NES: variants seen among roughly 807,000 people sequenced by gnomAD.
The protein encoded by NES is nestin.
NES carries 27 observed loss-of-function variants against 35.6 expected under a neutral mutation model. The ratio of observed to expected loss-of-function variants is 0.76; its 90% confidence interval spans 0.56 to 1.04. The LOEUF (loss-of-function observed/expected upper bound fraction) is 1.04, where lower values mean the gene tolerates loss of function less well. Ranked by LOEUF, NES falls within the 50% of genes least tolerant of loss-of-function variation. The probability of loss-of-function intolerance (pLI) is 0.00; values close to 1 mark genes in which losing one functional copy is unlikely to be tolerated. For missense variants in NES, 1,867 were observed against 1,983.6 expected (o/e 0.94, Z 1.12); for synonymous variants, 822 against 824.2 (o/e 1.00, Z 0.04).
rs143673331 is a variant in NES at position 156,671,561 on chromosome 1, A to G, written c.2627T>C (p.Val876Ala). 91 of 1,613,828 alleles carry G rather than the reference A, an allele frequency of 5.6e-5. No homozygotes were observed. In the East Asian group the frequency reaches 1.9e-3, roughly 34 times the overall value. The part of the protein sequence containing the change: ...EIQEPLESVE[V>A]NQETFRLLEE... ...CAGGAGTCTGAATGTCTCTTGGTTC[A>G]CTTCCACAGACTCCAGTGGTTCTTG... The change falls in exon 4 of 4, where the codon GTG (valine) becomes GCG (alanine). Residue 876 changes from valine to alanine, a missense_variant. Transcript: ENST00000368223.
chr1:156,673,991 CCCT>C (rs1424647158), intron 2 of NES, among the ~76,000 whole-genome samples: 3 of 152,122 alleles, frequency 2.0e-5, no homozygotes, highest in Non-Finnish European at 2.9e-5. Flanking sequence ...GGGATGGGCT[CCCT>C]CCTCCTTCCC....
In NES at chr1:156,677,162, G is replaced by T; in HGVS notation, c.103C>A (p.Leu35Met). The T allele has an allele frequency of 1.2e-6, 2 of 1,612,026 alleles. No homozygotes were observed. Among genetic ancestry groups the T allele is most frequent in the Non-Finnish European group, 1.7e-6 (2 of 1,179,654 alleles). ...AGCCCCCCGAGCTCCGCGCTGAGCA[G>T]CTCATTCTGCTCCTCCAGCGCCTTG... ...RVKALEEQNE[L>M]LSAELGGLRA... The change falls in exon 1 of 4, where the codon CTG (leucine) becomes ATG (methionine). Residue 35 changes from leucine (L) to methionine (M), a missense_variant. Leu to Met is a conservative substitution (Grantham distance 15). Transcript: ENST00000368223. This position sits in a 1 kb window ranked among gnomAD's most constrained non-coding sequence, Gnocchi z 4.5.
At position 156,677,140 on chromosome 1, in the gene NES, C is replaced by G. The variant is rs1201006572; in HGVS notation, c.125G>C (p.Gly42Ala). 1 of 1,609,804 alleles carries G rather than the reference C, an allele frequency of 6.2e-7. No individual in the cohort carries two copies. Among genetic ancestry groups the G allele is most frequent in the Non-Finnish European group, 8.5e-7 (1 of 1,178,810 alleles). The change falls in exon 1 of 4, where the codon GGG (glycine) becomes GCG (alanine). Residue 42 changes from glycine (G) to alanine (A), a missense_variant. By Grantham distance (60) the Gly-to-Ala change is moderately conservative. Transcript: ENST00000368223. The surrounding 1 kb of genome is among the most constrained non-coding windows in gnomAD (Gnocchi z 4.5). ...QNELLSAELG[G>A]LRAQSADTSW... is the part of the protein sequence containing the mutation. Reference sequence around the variant, plus strand: ...GGTGTCCGCGGATTGTGCCCGGAGCCCCCCGAGCTCCGCGCTGAGCAGCTC... The same window carrying G: ...GGTGTCCGCGGATTGTGCCCGGAGCGCCCCGAGCTCCGCGCTGAGCAGCTC...
intron 1 of NES, among the ~76,000 whole-genome samples, chr1:156,675,640 G>C (rs552242770): frequency 6.6e-6 from 1 of 152,294 alleles, no homozygotes; most frequent in Admixed American, 6.5e-5. Context: ...CACAGGAAGG[G>C]GAGGTGAGGG....
rs764823298 is a variant in NES, at chr1:156,677,033, C to T, written c.232G>A (p.Glu78Lys). 28 of 1,583,222 alleles carry T rather than the reference C, an allele frequency of 1.8e-5. No individual in the cohort carries two copies. Among genetic ancestry groups the T allele is most frequent in the Non-Finnish European group, 2.4e-5 (28 of 1,168,198 alleles). The part of the protein sequence containing the change: ...DQRWREKHAA[E>K]VARDNLAEEL... ...TCAGCCAGGTTGTCGCGCGCCACCTCGGCCGCGTGCTTCTCCCGCCAGCGT... is the reference window on the plus strand; with the variant it reads ...TCAGCCAGGTTGTCGCGCGCCACCTTGGCCGCGTGCTTCTCCCGCCAGCGT... The change falls in exon 1 of 4, where the codon GAG becomes AAG. Residue 78 changes from glutamate to lysine, a missense_variant. Coordinates refer to ENST00000368223, the MANE Select transcript of NES (RefSeq NM_006617.2). The surrounding 1 kb of genome is among the most constrained non-coding windows in gnomAD (Gnocchi z 4.5).
intron 2 of NES, among the ~76,000 whole-genome samples, chr1:156,674,908 G>C (rs1679809856): frequency 6.6e-6 from 1 of 152,224 alleles, no homozygotes; most frequent in South Asian, 2.1e-4. Context: ...TGCCCCTTGG[G>C]GGAAGGGTCT....
In NES at chr1:156,669,811, C is replaced by T. The variant is rs1679661859; in HGVS notation, c.4377G>A (p.Glu1459=). Residue 1459 remains glutamate (E), a synonymous_variant, in exon 4 of 4, where the codon GAG becomes GAA. Coordinates refer to ENST00000368223, the MANE Select transcript of NES (RefSeq NM_006617.2). ...LSSSQRGEFL[E]SDSVSVSVPW... ...GGACACTGACACTCACAGAATCAGA[C>T]TCCAGGAATTCCCCTCTCTGGGAGC... is the stretch of plus-strand genomic sequence containing the variant. 3.7e-6 allele frequency: 6 copies of T among 1,614,056 alleles called. No individual in the cohort carries two copies. The East Asian group carries it at 1.3e-4, about 36-fold the overall frequency.
In NES at chr1:156,673,222, G is replaced by T; in HGVS notation, c.983-17C>A. On this transcript the variant is annotated splice_polypyrimidine_tract_variant and intron_variant, in intron 3 of 3. Transcript: ENST00000368223. ...GCTTGGGGTCTGGAAAGGCAGAGGG[G>T]GAAGAAACAGCATCAGTATATCACT... is the stretch of plus-strand genomic sequence containing the variant. 1 of 1,486,268 alleles carries T rather than the reference G, an allele frequency of 6.7e-7. No individual in the cohort carries two copies. The highest frequency in any genetic ancestry group is 9.0e-7 in the Non-Finnish European group (1 of 1,114,866). The allele number at this position is 1,486,268 out of a possible 1,614,324, so 92.1% of individuals were successfully genotyped here.
In NES at chr1:156,670,641, C is replaced by T. The variant is rs772260466; in HGVS notation, c.3547G>A (p.Ala1183Thr). The T allele has an allele frequency of 1.9e-6, 3 of 1,613,914 alleles. No individual in the cohort carries two copies. The highest frequency in any genetic ancestry group is 2.5e-6 in the Non-Finnish European group (3 of 1,179,944). ...GTCTCAGCAGGGAACGCCTCCTCTG[C>T]TCCCCTGGGGGCCTCAGCCTCTGAC... ...EESEAEAPRG[A>T]EEAFPAETLG... is the part of the protein sequence containing the mutation. The change falls in exon 4 of 4, where the codon GCA becomes ACA. Residue 1183 changes from alanine (A) to threonine (T), a missense_variant. Transcript: ENST00000368223.
Position 156,671,652 on chromosome 1 carries a change from G to A in NES, c.2536C>T (p.Gln846Ter). 6.2e-7 allele frequency: 1 copy of A among 1,613,692 alleles called. No individual in the cohort carries two copies. The change falls in exon 4 of 4, where the codon CAA (glutamine) becomes TAA (stop). Residue 846 changes from glutamine to a stop codon, truncating the protein, a stop_gained. Coordinates refer to ENST00000368223, the MANE Select transcript of NES (RefSeq NM_006617.2). LOFTEE classifies it low-confidence loss of function (END_TRUNC). The stretch of plus-strand genomic sequence containing the variant: ...TCTTCTGGAGTCCACAGTGGTGCTT[G>A]AGTTTCTGGAGATTTCAGTGTTTCC... ...NLETLKSPET[Q>*]APLWTPEEIN...
Position 156,676,737 on chromosome 1 carries a change from C to T in NES, c.528G>A (p.Glu176=). 2 of 1,373,636 alleles carry T rather than the reference C, an allele frequency of 1.5e-6. No homozygotes were observed. The highest frequency in any genetic ancestry group is 1.9e-6 in the Non-Finnish European group (2 of 1,074,142). The allele number at this position is 1,373,636 out of a possible 1,614,324, so 85.1% of individuals were successfully genotyped here. ...CCTCGCCCAGTCGCCTTGCCAGCTC[C>T]TCTACCTCCGGGGCCGGCGCGGGAG... ...RGPPAPAPEV[E]ELARRLGEAW... Residue 176 remains glutamate (E), a synonymous_variant, in exon 1 of 4, where the codon GAG becomes GAA. Transcript: ENST00000368223. The surrounding 1 kb of genome is among the most constrained non-coding windows in gnomAD (Gnocchi z 5.3).
chr1:156,677,090 C>T lies in NES; in HGVS notation c.175G>A (p.Glu59Lys), dbSNP rs747307051. 2.3e-5 allele frequency: 37 copies of T among 1,602,962 alleles called. No individual in the cohort carries two copies. Among genetic ancestry groups the T allele is most frequent in the Admixed American group, 3.4e-5 (2 of 59,118 alleles). The stretch of plus-strand genomic sequence containing the variant: ...ACGAGGGCCCGCAGGGCCGCCAGCT[C>T]GTCGTCGGCATGCGCCCGCCAGGAG... ...DTSWRAHADDELAALRALVDQ... is the reference protein window; with the variant it reads ...DTSWRAHADDKLAALRALVDQ... Residue 59 changes from glutamate (E) to lysine (K), a missense_variant, in exon 1 of 4, where the codon GAG becomes AAG. Glu to Lys is a moderately conservative substitution (Grantham distance 56). Coordinates refer to ENST00000368223, the MANE Select transcript of NES (RefSeq NM_006617.2). This position sits in a 1 kb window ranked among gnomAD's most constrained non-coding sequence, Gnocchi z 4.5.
Position 156,672,260 on chromosome 1 carries a change from A to G in NES, c.1928T>C (p.Leu643Pro). 6.2e-7 allele frequency: 1 copy of G among 1,600,966 alleles called. No homozygotes were observed. Among genetic ancestry groups the G allele is most frequent in the East Asian group, 2.2e-5 (1 of 44,774 alleles). ...CGTTCCTGGAAATAAAAATGTCTCT[A>G]GATTACCTTCAAGAGATTTCATTAG... ...QELMKSLEGN[L>P]ETFLFPGTEN... is the part of the protein sequence containing the mutation. Residue 643 changes from leucine (L) to proline (P), a missense_variant, in exon 4 of 4, where the codon CTA becomes CCA. Leu to Pro is a moderately conservative substitution (Grantham distance 98, BLOSUM62 -3). Coordinates refer to ENST00000368223, the MANE Select transcript of NES (RefSeq NM_006617.2).
Position 156,672,898 on chromosome 1 carries a change from A to G in NES, c.1290T>C (p.Ala430=). 1 of 1,613,944 alleles carries G rather than the reference A, an allele frequency of 6.2e-7. No individual in the cohort carries two copies. Among genetic ancestry groups the G allele is most frequent in the Non-Finnish European group, 8.5e-7 (1 of 1,180,032 alleles). The change falls in exon 4 of 4, where the codon GCT becomes GCC. Residue 430 remains alanine, a synonymous_variant. Coordinates refer to ENST00000368223, the MANE Select transcript of NES (RefSeq NM_006617.2). Reference sequence around the variant, plus strand: ...TGGCAGGAATGGCCACCCTGGCTTCAGCCCGCAGGGGCTCTGGAGCCTGTT... The same window carrying G: ...TGGCAGGAATGGCCACCCTGGCTTCGGCCCGCAGGGGCTCTGGAGCCTGTT... The part of the protein sequence containing the change: ...GRKQAPEPLR[A]EARVAIPASV...
At position 156,671,560 on chromosome 1, in the gene NES, C is replaced by A. The variant is rs758036476; in HGVS notation, c.2628G>T (p.Val876=). 2 of 1,613,978 alleles carry A rather than the reference C, an allele frequency of 1.2e-6. No homozygotes were observed. The change falls in exon 4 of 4, where the codon GTG becomes GTT. Residue 876 remains valine, a synonymous_variant. Coordinates refer to ENST00000368223, the MANE Select transcript of NES (RefSeq NM_006617.2). ...EIQEPLESVE[V]NQETFRLLEE... ...CCAGGAGTCTGAATGTCTCTTGGTT[C>A]ACTTCCACAGACTCCAGTGGTTCTT...
Position 156,676,349 on chromosome 1 carries a change from A to G in NES, c.783+133T>C. ...GTAAAAGTCTAGGACTTGTGGCACC[A>G]GGTTTCTGAGAACTGGCTCCTGATT... is the stretch of plus-strand genomic sequence containing the variant. On this transcript the variant is annotated intron_variant, in intron 1 of 3. Coordinates refer to ENST00000368223, the MANE Select transcript of NES (RefSeq NM_006617.2). This position sits in a 1 kb window ranked among gnomAD's most constrained non-coding sequence, Gnocchi z 5.3. 3 of 822,418 alleles carry G rather than the reference A, an allele frequency of 3.6e-6. No homozygotes were observed. The highest frequency in any genetic ancestry group is 5.6e-6 in the Non-Finnish European group (3 of 531,564). 50.9% of individuals were successfully genotyped at this position (822,418 alleles called of 1,614,324 possible).
At position 156,670,780 on chromosome 1, in the gene NES, G is replaced by A. The variant is rs1215328349; in HGVS notation, c.3408C>T (p.Gly1136=). The A allele has an allele frequency of 1.2e-6, 2 of 1,613,912 alleles. No homozygotes were observed. The highest frequency in any genetic ancestry group is 1.3e-5 in the African/African-American group (1 of 74,886). ...CTAGGTCCTTTCTAGGCCCTTCCAA[G>A]CCCTGAACCCTCTTTGCCTCCAAAC... ...EESLEAKRVQ[G]LEGPRKDLEE... Residue 1136 remains glycine (G), a synonymous_variant, in exon 4 of 4, where the codon GGC becomes GGT. Coordinates refer to ENST00000368223, the MANE Select transcript of NES (RefSeq NM_006617.2).
In NES at chr1:156,669,519, G is replaced by A; in HGVS notation, c.4669C>T (p.Leu1557=). Reference sequence around the variant, plus strand: ...TGCCCCACTTCCTCAGACTGCTCCAGCCCGTTCATCACTCCCCCATTCACA... The same window carrying A: ...TGCCCCACTTCCTCAGACTGCTCCAACCCGTTCATCACTCCCCCATTCACA... ...QHVNGGVMNG[L]EQSEEVGQGM... Residue 1557 remains leucine, a synonymous_variant, in exon 4 of 4, where the codon CTG becomes TTG. Transcript: ENST00000368223. 6.2e-7 allele frequency: 1 copy of A among 1,612,276 alleles called. No individual in the cohort carries two copies. The highest frequency in any genetic ancestry group is 1.1e-5 in the South Asian group (1 of 90,950).
Position 156,671,120 on chromosome 1 carries a change from C to G in NES, c.3068G>C (p.Arg1023Thr). 1.2e-6 allele frequency: 2 copies of G among 1,614,154 alleles called. No homozygotes were observed. The highest frequency in any genetic ancestry group is 1.7e-6 in the Non-Finnish European group (2 of 1,180,018). Residue 1023 changes from arginine (R) to threonine (T), a missense_variant, in exon 4 of 4, where the codon AGA becomes ACA. Transcript: ENST00000368223. ...CACACTGGCTCCCTCAACCAGGCCT[C>G]TCTGCTCTTTGGGCTCAGGGCTCTC... ...HPESPEPKEQ[R>T]GLVEGASVKG...
Sources: allele counts gnomAD v4.1 joint callset (sites outside exome capture counted in the v4.1 genomes callset), GRCh38; gene constraint gnomAD v4.1.1; non-coding constraint Gnocchi (gnomAD v3.1); transcripts MANE v1.5; gene names NCBI Gene and HGNC (gene_info 2026-07-23, HGNC 2026-07-21).